SOX5: variants seen among roughly 807,000 people sequenced by gnomAD.
The protein encoded by SOX5 is transcription factor SOX-5.
Under a neutral mutation model 92.0 loss-of-function variants are expected in SOX5, and 9 were observed. The ratio of observed to expected loss-of-function variants is 0.10; its 90% confidence interval spans 0.06 to 0.17. The LOEUF (loss-of-function observed/expected upper bound fraction) is 0.17, where lower values mean the gene tolerates loss of function less well. Ranked by LOEUF, SOX5 falls within the 10% of genes least tolerant of loss-of-function variation. The pLI is 1.00. For synonymous variants in SOX5, 344 were observed against 336.3 expected (o/e 1.02, Z -0.25); for missense variants, 642 against 944.5 (o/e 0.68, Z 4.20).
intron 4 of SOX5, among the ~76,000 whole-genome samples, chr12:24,062,014 TA>T (rs950051072): frequency 2.6e-5 from 4 of 152,104 alleles, no homozygotes; most frequent in Non-Finnish European, 4.4e-5. Context: ...GAAGATAGAT[TA>T]AAAAAACAAT....
chr12:23,854,768 T>G (rs1948875908), intron 2 of SOX5, among the ~76,000 whole-genome samples: 1 of 152,062 alleles, frequency 6.6e-6, no homozygotes, highest in African/African-American at 2.4e-5. Flanking sequence ...CTTGGACAAG[T>G]CACACACATA....
intron 1 of SOX5, among the ~76,000 whole-genome samples, chr12:24,489,047 T>C (rs1402234764): frequency 2.0e-5 from 3 of 152,126 alleles, no homozygotes; most frequent in Non-Finnish European, 4.4e-5. Context: ...ATGGCAAGGG[T>C]TGAAAATAGT....
At chr12:23,979,696 A>ACGTT (rs1949301745) in intron 4 of SOX5, among the ~76,000 whole-genome samples, 1 of 27,430 alleles carries the variant, frequency 3.6e-5, no homozygotes, top group Non-Finnish European at 7.5e-5. Context: ...ATATATATAT[A>ACGTT]TGTTTTTTTT....
At chr12:23,579,095 A>T (rs1378341615) in intron 9 of SOX5, among the ~76,000 whole-genome samples, 3 of 152,158 alleles carry the variant, frequency 2.0e-5, no homozygotes, top group Non-Finnish European at 2.9e-5. Flanking sequence ...GATGATGTGG[A>T]TGTGGGTGCT....
At chr12:23,662,623 C>T (rs1318806680) in intron 7 of SOX5, among the ~76,000 whole-genome samples, 1 of 152,136 alleles carries the variant, frequency 6.6e-6, no homozygotes, top group Non-Finnish European at 1.5e-5. Context: ...TTATGTCCAA[C>T]TAAAAGCTTC....
intron 2 of SOX5, among the ~76,000 whole-genome samples, chr12:24,282,726 G>A (rs564473841): frequency 2.6e-5 from 4 of 152,260 alleles, no homozygotes; most frequent in Admixed American, 2.0e-4. Context: ...TATTAGCGCC[G>A]CTCCCATTTC....
At chr12:24,033,930 G>A (rs1254820283) in intron 4 of SOX5, among the ~76,000 whole-genome samples, 2 of 152,078 alleles carry the variant, frequency 1.3e-5, no homozygotes, top group East Asian at 3.9e-4. Context: ...GTTGGGATTT[G>A]TCATCTGAAG....
chr12:24,487,198 C>A (rs139920859), intron 1 of SOX5, among the ~76,000 whole-genome samples: 1 of 152,072 alleles, frequency 6.6e-6, no homozygotes, highest in Non-Finnish European at 1.5e-5. Flanking sequence ...TAATATAAAG[C>A]TTTTCACTGA....
At chr12:24,224,002 A>G (rs1294152715) in intron 3 of SOX5, among the ~76,000 whole-genome samples, 1 of 152,206 alleles carries the variant, frequency 6.6e-6, no homozygotes, top group Non-Finnish European at 1.5e-5. Context: ...TGGTCGCATG[A>G]ACTAAAGTGG....
In SOX5 at chr12:23,963,765, T is replaced by TAAAAAA. The variant is rs60053598; in HGVS notation, c.-1-67747_-1-67742dup. On this transcript the variant is annotated intron_variant, in intron 4 of 4. Coordinates refer to the SOX5 transcript ENST00000446891. ...TGCAGGCAGGCATGCATGAATGAAG[T>TAAAAAA]AAAAAAAAAAAAAAAAAACTGGAAG... Among the ~76,000 whole-genome samples, 116 of 125,814 alleles carry TAAAAAA rather than the reference T, an allele frequency of 9.2e-4. 3 individuals are homozygous for TAAAAAA. The highest frequency in any genetic ancestry group is 2.8e-3 in the African/African-American group (95 of 33,416). 82.5% of individuals were successfully genotyped at this position (125,814 alleles called of 152,430 possible).
intron 5 of SOX5, among the ~76,000 whole-genome samples, chr12:23,736,199 C>T (rs959493606): frequency 1.3e-4 from 20 of 151,702 alleles, no homozygotes; most frequent in African/African-American, 1.9e-4. Flanking sequence ...TGGTGGCTCA[C>T]GCCTGTAATC....
At chr12:23,719,612 G>T (rs1288965957) in intron 6 of SOX5, among the ~76,000 whole-genome samples, 1 of 151,566 alleles carries the variant, frequency 6.6e-6, no homozygotes. Flanking sequence ...AATTAGCTGG[G>T]CATGGATGGT....
At chr12:23,629,662 C>G (rs893036772) in intron 8 of SOX5, among the ~76,000 whole-genome samples, 2 of 151,994 alleles carry the variant, frequency 1.3e-5, no homozygotes, top group Non-Finnish European at 2.9e-5. Flanking sequence ...CGTTTTCAAC[C>G]ATCTGTGAGG....
chr12:23,664,115 A>G (rs1030826398), intron 7 of SOX5, among the ~76,000 whole-genome samples: 4 of 152,148 alleles, frequency 2.6e-5, no homozygotes, highest in Non-Finnish European at 5.9e-5. Context: ...TGCTTTGCAT[A>G]TTTAAGAAAT....
At chr12:23,643,492 G>C (rs970109261) in intron 7 of SOX5, among the ~76,000 whole-genome samples, 6 of 152,212 alleles carry the variant, frequency 3.9e-5, no homozygotes, top group Non-Finnish European at 7.3e-5. Context: ...ATATACTTGA[G>C]AGTGGTTAGC....
At chr12:24,313,639 T>C (rs776693265) in intron 2 of SOX5, among the ~76,000 whole-genome samples, 4 of 152,358 alleles carry the variant, frequency 2.6e-5, no homozygotes, top group African/African-American at 7.2e-5. Context: ...TGTTTCCCCA[T>C]TGGACTACTT....
At chr12:23,675,722 C>A (rs1280918651) in intron 6 of SOX5, among the ~76,000 whole-genome samples, 1 of 151,956 alleles carries the variant, frequency 6.6e-6, no homozygotes, top group Non-Finnish European at 1.5e-5. Context: ...AAGTTCTGCA[C>A]AGCAAAGGAA....
At chr12:24,161,240 A>G (rs1952724578) in intron 4 of SOX5, among the ~76,000 whole-genome samples, 1 of 152,102 alleles carries the variant, frequency 6.6e-6, no homozygotes, top group Non-Finnish European at 1.5e-5. Flanking sequence ...CAAACAAGTT[A>G]CTTCTTACTG....
chr12:23,988,060 T>C (rs1022081194), intron 4 of SOX5, among the ~76,000 whole-genome samples: 3 of 152,218 alleles, frequency 2.0e-5, no homozygotes, highest in African/African-American at 7.2e-5. Context: ...CTTTTGGGGA[T>C]AGTTCAAAGA....
Sources: allele counts gnomAD v4.1 joint callset (sites outside exome capture counted in the v4.1 genomes callset), GRCh38; gene constraint gnomAD v4.1.1; transcripts MANE v1.5; gene names NCBI Gene and HGNC (gene_info 2026-07-23, HGNC 2026-07-21).